FBXO34: variants seen among roughly 807,000 people sequenced by gnomAD.
FBXO34 encodes the protein F-box only protein 34.
FBXO34 carries 12 observed loss-of-function variants against 24.5 expected under a neutral mutation model. The observed-to-expected ratio is 0.49, with a 90% CI of 0.31 to 0.79. The LOEUF is 0.79. Among genes scored for constraint, FBXO34 ranks in the 30% least tolerant of loss-of-function variants. The pLI is 0.04. For missense variants in FBXO34, 823 were observed against 857.7 expected, an observed-to-expected ratio of 0.96 and a Z score of 0.51; for synonymous variants, 320 against 311.9, an observed-to-expected ratio of 1.03 and a Z score of -0.27.
the FBXO34 span, among the ~76,000 whole-genome samples, chr14:55,442,765 T>A: frequency 6.6e-6 from 1 of 152,228 alleles, no homozygotes; most frequent in African/African-American, 2.4e-5. Flanking sequence ...ATATTAGCTC[T>A]TAATTTTGTT....
At chr14:55,439,617 C>CCCCCCGCCCG in the FBXO34 span, among the ~76,000 whole-genome samples, 3 of 72,700 alleles carry the variant, frequency 4.1e-5, 1 homozygote, top group Admixed American at 1.7e-4. Context: ...AAAGCAAACC[C>CCCCCCGCCCG]CCCCCCGTCT....
chr14:55,428,961 G>A, the FBXO34 span: 3 of 1,614,042 alleles, frequency 1.9e-6, no homozygotes, highest in East Asian at 2.2e-5. Flanking sequence ...GCTGCAAGTC[G>A]AGACTGCTCT....
At chr14:55,438,644 G>A in the FBXO34 span, among the ~76,000 whole-genome samples, 1 of 152,214 alleles carries the variant, frequency 6.6e-6, no homozygotes, top group Non-Finnish European at 1.5e-5. Context: ...GCGAGGATTT[G>A]AAGGAGGATG....
the FBXO34 span, among the ~76,000 whole-genome samples, chr14:55,402,518 G>T: frequency 5.5e-3 from 830 of 152,156 alleles, 8 homozygotes; most frequent in African/African-American, 0.019. Context: ...GGAAACTAGT[G>T]TTCAATGGGA....
intron 1 of FBXO34, among the ~76,000 whole-genome samples, chr14:55,312,281 T>C (rs1594744707): frequency 6.6e-6 from 1 of 152,184 alleles, no homozygotes. Flanking sequence ...TGATGCAAGA[T>C]TTAGGCTCCC....
chr14:55,358,001 G>T (rs765462788), downstream of FBXO34, among the ~76,000 whole-genome samples: 41 of 152,128 alleles, frequency 2.7e-4, no homozygotes, highest in Non-Finnish European at 3.8e-4. Flanking sequence ...CAAGGGTAGG[G>T]TTGGAGCCAG....
At chr14:55,328,279 C>T (rs1232216091) in intron 1 of FBXO34, among the ~76,000 whole-genome samples, 2 of 152,008 alleles carry the variant, frequency 1.3e-5, no homozygotes, top group Non-Finnish European at 2.9e-5. Context: ...TTTATAAAGT[C>T]GAGAACTTTG....
the FBXO34 span, among the ~76,000 whole-genome samples, chr14:55,384,222 C>T: frequency 1.3e-5 from 2 of 152,190 alleles, no homozygotes; most frequent in African/African-American, 2.4e-5. Flanking sequence ...TAAAACAGCA[C>T]AGAAATAGTT....
the FBXO34 span, among the ~76,000 whole-genome samples, chr14:55,392,817 G>A: frequency 2.0e-5 from 3 of 152,144 alleles, no homozygotes; most frequent in Non-Finnish European, 4.4e-5. Context: ...AGATTACAGG[G>A]ATGTTATGGT....
intron 1 of FBXO34, among the ~76,000 whole-genome samples, chr14:55,318,523 T>G (rs10137514): frequency 0.044 from 6,498 of 149,114 alleles, 518 homozygotes; most frequent in African/African-American, 0.15. Flanking sequence ...CTTGTATTTT[T>G]TTTTTGTTTT....
chr14:55,290,779 T>TC (rs778894580), intron 1 of FBXO34, among the ~76,000 whole-genome samples: 1 of 152,360 alleles, frequency 6.6e-6, no homozygotes, highest in South Asian at 2.1e-4. Flanking sequence ...TATCTTTTTT[T>TC]CCCATTATAA....
chr14:55,408,732 G>A, the FBXO34 span, among the ~76,000 whole-genome samples: 1 of 152,118 alleles, frequency 6.6e-6, no homozygotes, highest in African/African-American at 2.4e-5. Context: ...GATTGTGCCA[G>A]TGCACTCCAG....
At chr14:55,375,302 C>T in the FBXO34 span, among the ~76,000 whole-genome samples, 16 of 152,182 alleles carry the variant, frequency 1.1e-4, no homozygotes, top group East Asian at 2.1e-3. Flanking sequence ...TGTTGGCACA[C>T]AAGACAGCAA....
At chr14:55,300,249 A>G (rs1882302369) in intron 1 of FBXO34, among the ~76,000 whole-genome samples, 1 of 152,142 alleles carries the variant, frequency 6.6e-6, no homozygotes, top group South Asian at 2.1e-4. Flanking sequence ...TTTAGGCTTT[A>G]GTCTATAGTC....
At chr14:55,431,682 T>A in the FBXO34 span, among the ~76,000 whole-genome samples, 1 of 152,154 alleles carries the variant, frequency 6.6e-6, no homozygotes, top group South Asian at 2.1e-4. Flanking sequence ...TAAAAACAGA[T>A]TGGGGGAAAT....
At chr14:55,334,159 C>T (rs1302395956) in intron 1 of FBXO34, among the ~76,000 whole-genome samples, 1 of 152,124 alleles carries the variant, frequency 6.6e-6, no homozygotes, top group South Asian at 2.1e-4. Flanking sequence ...TGAAGAGTGG[C>T]CTCTTTTTCT....
the FBXO34 span, among the ~76,000 whole-genome samples, chr14:55,398,222 C>G: frequency 2.6e-5 from 4 of 152,168 alleles, no homozygotes; most frequent in East Asian, 7.7e-4. Context: ...AAGTGCTGGG[C>G]TTACAGGTGT....
At chr14:55,369,897 G>T, downstream of FBXO34, 5 of 1,612,812 alleles carry the variant, frequency 3.1e-6, no homozygotes, top group Non-Finnish European at 1.7e-6. Flanking sequence ...GACTCCTCAA[G>T]GTCTGCTCGT....
intron 1 of FBXO34, among the ~76,000 whole-genome samples, chr14:55,306,795 G>T (rs1342347610): frequency 1.3e-5 from 2 of 151,692 alleles, no homozygotes; most frequent in South Asian, 4.2e-4. Context: ...ATTGCATCAC[G>T]GCAGTTCAGC....
Sources: allele counts gnomAD v4.1 joint callset (sites outside exome capture counted in the v4.1 genomes callset), GRCh38; gene constraint gnomAD v4.1.1; transcripts MANE v1.5; gene names NCBI Gene and HGNC (gene_info 2026-07-23, HGNC 2026-07-21).